The following NPSR1 variants were observed in gnomAD, a reference collection of about 807,000 sequenced individuals.
NPSR1 encodes neuropeptide S receptor 1.
In NPSR1, 48 loss-of-function variants were observed where a neutral mutation model predicts 46.9. The ratio of observed to expected loss-of-function variants is 1.02; its 90% CI spans 0.81 to 1.30. The LOEUF (loss-of-function observed/expected upper bound fraction) is 1.30, where lower values mean the gene tolerates loss of function less well. Ranked by LOEUF, NPSR1 falls within the 50% of genes most tolerant of loss-of-function variation. The pLI, the probability that NPSR1 is intolerant of heterozygous loss-of-function variation, is 0.00. For synonymous variants in NPSR1, 176 were observed against 168.1 expected, an observed-to-expected ratio of 1.05 and a Z score of -0.36; for missense variants, 450 against 449.5, an observed-to-expected ratio of 1.00 and a Z score of -0.01.
chr7:34,780,181 G>T (rs1787167624), intron 3 of NPSR1, among the ~76,000 whole-genome samples: 1 of 152,112 alleles, frequency 6.6e-6, no homozygotes, highest in Non-Finnish European at 1.5e-5. Flanking sequence ...GATTATTTTG[G>T]TTGTACAAAT....
intron 2 of NPSR1, among the ~76,000 whole-genome samples, chr7:34,777,995 G>A (rs951161305): frequency 4.6e-5 from 7 of 152,140 alleles, no homozygotes; most frequent in African/African-American, 1.4e-4. Context: ...AAACTGGGAG[G>A]AGGGGCACTA....
chr7:34,708,126 G>A (rs1172326059), intron 2 of NPSR1, among the ~76,000 whole-genome samples: 1 of 152,080 alleles, frequency 6.6e-6, no homozygotes, highest in Non-Finnish European at 1.5e-5. Context: ...GTGAAGGACT[G>A]GAGGTTAGGA....
intron 2 of NPSR1, among the ~76,000 whole-genome samples, chr7:34,689,604 CAAAAAAAAAAAAAA>C (rs869170591): frequency 5.5e-5 from 2 of 36,676 alleles, no homozygotes; most frequent in African/African-American, 1.0e-4. Context: ...GACTCTGTCT[CAAAAAAAAAAAAAA>C]AAAAAAAAAA....
intron 6 of NPSR1, among the ~76,000 whole-genome samples, chr7:34,839,595 C>T (rs1790497098): frequency 6.6e-6 from 1 of 152,194 alleles, no homozygotes; most frequent in South Asian, 2.1e-4. Flanking sequence ...AAGGGAAACA[C>T]TAGCAGCTGT....
chr7:34,822,410 G>T (rs1314441572), intron 4 of NPSR1, among the ~76,000 whole-genome samples: 2 of 152,256 alleles, frequency 1.3e-5, no homozygotes, highest in South Asian at 4.1e-4. Flanking sequence ...TTAACTGAGG[G>T]GAGGCCATAT....
chr7:34,663,067 C>CTGTGTGTGTGTG (rs1425497014), intron 1 of NPSR1, among the ~76,000 whole-genome samples: 61 of 99,342 alleles, frequency 6.1e-4, no homozygotes, highest in South Asian at 1.2e-3. Flanking sequence ...CTCTCTCTCT[C>CTGTGTGTGTGTG]TGTGTGTGTG....
chr7:34,728,509 C>A (rs757097982), intron 2 of NPSR1, among the ~76,000 whole-genome samples: 3 of 152,160 alleles, frequency 2.0e-5, no homozygotes, highest in Non-Finnish European at 2.9e-5. Context: ...GACGCTCTTG[C>A]CTTAATCTTT....
intron 2 of NPSR1, among the ~76,000 whole-genome samples, chr7:34,695,247 G>GA (rs1181291003): frequency 3.9e-5 from 6 of 152,096 alleles, no homozygotes; most frequent in African/African-American, 1.4e-4. Context: ...ATGGTGCTGG[G>GA]AAAATTGGCT....
chr7:34,872,622 TG>T (rs1283006431), intron 8 of NPSR1, among the ~76,000 whole-genome samples: 1 of 151,796 alleles, frequency 6.6e-6, no homozygotes, highest in Non-Finnish European at 1.5e-5. Flanking sequence ...TCCACATGGC[TG>T]GGGAGGCCTC....
At position 34,849,835 on chromosome 7, in the gene NPSR1, A is replaced by T. The variant is rs1307627687; in HGVS notation, c.*180A>T. On this transcript the variant is annotated 3_prime_UTR_variant, in exon 9 of 9. Coordinates refer to ENST00000360581, the MANE Select transcript of NPSR1 (RefSeq NM_207172.2). ...ACTGCTTAAGTATTGGCCAACACGA[A>T]CTCCCCAGTTATTCATGCCAGCCAG... The T allele has an allele frequency of 7.4e-7, 1 of 1,357,500 alleles. No homozygotes were observed. The highest frequency in any genetic ancestry group is 9.5e-7 in the Non-Finnish European group (1 of 1,052,778). The allele number at this position is 1,357,500 out of a possible 1,614,324, so 84.1% of individuals were successfully genotyped here. A position where few individuals can be genotyped will look rare whatever the true frequency, so the allele number is the denominator to read the frequency against.
rs1792408119 is a variant in NPSR1 at position 34,678,038 on chromosome 7, T to A, written c.148-6514T>A. Among the ~76,000 whole-genome samples the A allele has an allele frequency of 3.9e-5, 6 of 152,278 alleles. No individual in the cohort carries two copies. In the South Asian group the frequency reaches 1.2e-3, roughly 32 times the overall value. ...TCTCACCTCTCCCACCATGGAGACG[T>A]GGATTTCTGATCTGGCAAAGAAACA... is the stretch of plus-strand genomic sequence containing the variant. On this transcript the variant is annotated intron_variant, in intron 1 of 8. Transcript: ENST00000360581.
intron 1 of NPSR1, among the ~76,000 whole-genome samples, chr7:34,659,639 G>A (rs1791353143): frequency 6.6e-6 from 1 of 152,154 alleles, no homozygotes; most frequent in African/African-American, 2.4e-5. Flanking sequence ...AGCAGAACCT[G>A]AGCAAACTAC....
chr7:34,710,972 A>C, intron 2 of NPSR1: 1 of 357,744 alleles, frequency 2.8e-6, no homozygotes. Flanking sequence ...TCAAATGGCT[A>C]GGATGGCAAG....
At chr7:34,755,868 T>C (rs1432674692) in intron 2 of NPSR1, among the ~76,000 whole-genome samples, 8 of 152,178 alleles carry the variant, frequency 5.3e-5, no homozygotes, top group African/African-American at 1.9e-4. Flanking sequence ...TTTTCATATA[T>C]GTTTGCTTTT....
At chr7:34,743,656 T>C (rs1583925060) in intron 2 of NPSR1, among the ~76,000 whole-genome samples, 1 of 152,166 alleles carries the variant, frequency 6.6e-6, no homozygotes, top group Non-Finnish European at 1.5e-5. Flanking sequence ...GCCAGGCTGG[T>C]CTTGAACTCC....
downstream of NPSR1, among the ~76,000 whole-genome samples, chr7:34,854,127 T>C (rs1208783215): frequency 6.6e-6 from 1 of 152,170 alleles, no homozygotes; most frequent in Non-Finnish European, 1.5e-5. Context: ...ATGTTACAAT[T>C]TCAGGGTCAT....
intron 1 of NPSR1, among the ~76,000 whole-genome samples, chr7:34,678,308 G>A (rs1351436285): frequency 4.4e-5 from 6 of 135,716 alleles, no homozygotes; most frequent in Admixed American, 3.4e-4. Flanking sequence ...TGCAACCTCC[G>A]CCTCCCGGGT....
intron 4 of NPSR1, among the ~76,000 whole-genome samples, chr7:34,821,934 G>A (rs1789577409): frequency 6.6e-6 from 1 of 152,128 alleles, no homozygotes. Flanking sequence ...CAGGCCCAAC[G>A]AAAGTCACTG....
intron 3 of NPSR1, among the ~76,000 whole-genome samples, chr7:34,809,940 A>T (rs1408319532): frequency 6.6e-6 from 1 of 152,070 alleles, no homozygotes; most frequent in East Asian, 1.9e-4. Flanking sequence ...ATCCATGTCC[A>T]TCCATGTCCC....
Sources: allele counts gnomAD v4.1 joint callset (sites outside exome capture counted in the v4.1 genomes callset), GRCh38; gene constraint gnomAD v4.1.1; transcripts MANE v1.5; gene names NCBI Gene and HGNC (gene_info 2026-07-23, HGNC 2026-07-21).